Variants in SATB2 observed in about 807,000 individuals in gnomAD.
The protein encoded by SATB2 is DNA-binding protein SATB2.
SATB2 carries 1 observed loss-of-function variant against 73.4 expected under a neutral mutation model. The observed-to-expected ratio is 0.01, with a 90% confidence interval of 0.00 to 0.06. The LOEUF is 0.06. SATB2 is among the 10% of genes least tolerant of loss of function. The probability of loss-of-function intolerance (pLI) is 1.00; values close to 1 mark genes in which losing one functional copy is unlikely to be tolerated. For synonymous variants in SATB2, 397 were observed against 367.0 expected, an observed-to-expected ratio of 1.08 and a Z score of -0.93; for missense variants, 459 against 945.8, an observed-to-expected ratio of 0.49 and a Z score of 6.75.
rs566856687 is a variant in SATB2, at chr2:199,301,840, T to C, written c.1740+6920A>G. ...TGGTAAATCAGATGATGCTTGGAAG[T>C]AAAGCTTGTAGTGGAAAGAAGTTGA... On this transcript the variant is annotated intron_variant, in intron 10 of 10. Transcript: ENST00000417098. Among the ~76,000 whole-genome samples the C allele has an allele frequency of 1.1e-4, 16 of 152,234 alleles. No homozygotes were observed. In the East Asian group the frequency reaches 3.1e-3, roughly 29 times the overall value.
Position 199,433,531 on chromosome 2 carries a change from C to A in SATB2, c.170-17G>T, listed in dbSNP as rs779521396. On this transcript the variant is annotated splice_polypyrimidine_tract_variant and intron_variant, in intron 2 of 10. Coordinates refer to ENST00000417098, the MANE Select transcript of SATB2 (RefSeq NM_001172509.2). ...TCATCAAACCTGAAGGGACAAAATT[C>A]AAGAGCAAAACACAAACATTAAAAA... The A allele has an allele frequency of 8.1e-6, 13 of 1,612,982 alleles. No homozygotes were observed. In the East Asian group the frequency reaches 2.0e-4, roughly 25 times the overall value.
rs756540212 is a variant in SATB2 at position 199,433,342 on chromosome 2, G to T, written c.342C>A (p.Ala114=). The change falls in exon 3 of 11, where the codon GCC becomes GCA. Residue 114 remains alanine, a synonymous_variant. Transcript: ENST00000417098. The part of the protein sequence containing the change: ...LGYSHSSAAQ[A]QGIIKLGRWN... Reference sequence around the variant, plus strand: ...AGAGGGGAGAGGCATTAATACCTTGGGCCTGGGCCGCAGAGCTGTGAGAAT... The same window carrying T: ...AGAGGGGAGAGGCATTAATACCTTGTGCCTGGGCCGCAGAGCTGTGAGAAT... 3.1e-6 allele frequency: 5 copies of T among 1,613,476 alleles called. No individual in the cohort carries two copies. In the Admixed American group the frequency reaches 5.0e-5, roughly 16 times the overall value.
At chr2:199,351,476 CA>C (rs376285769) in intron 6 of SATB2, among the ~76,000 whole-genome samples, 125 of 152,282 alleles carry the variant, frequency 8.2e-4, no homozygotes, top group African/African-American at 3.0e-3. Flanking sequence ...TTTTACGTAT[CA>C]CCTTTCCTTC....
intron 10 of SATB2, among the ~76,000 whole-genome samples, chr2:199,298,306 C>T (rs1430673917): frequency 6.6e-6 from 1 of 152,150 alleles, no homozygotes; most frequent in East Asian, 1.9e-4. Context: ...CAGTGATGGT[C>T]CTAGAATTCA....
chr2:199,439,319 G>A (rs570605122), intron 2 of SATB2, among the ~76,000 whole-genome samples: 10 of 152,164 alleles, frequency 6.6e-5, no homozygotes, highest in Non-Finnish European at 7.3e-5. Flanking sequence ...CCAGGCTTTC[G>A]CCTCCCCTCT....
upstream of SATB2, among the ~76,000 whole-genome samples, chr2:199,467,798 C>T (rs925708310): frequency 3.3e-5 from 5 of 152,182 alleles, no homozygotes; most frequent in Admixed American, 1.3e-4. Context: ...CACAGGACCC[C>T]GGGGCCAGGG....
chr2:199,464,931 C>T lies in SATB2; in HGVS notation c.-236G>A, dbSNP rs1460177832. On this transcript the variant is annotated 5_prime_UTR_variant, in exon 1 of 12. Coordinates refer to the SATB2 transcript ENST00000260926. The surrounding 1 kb of genome is among the most constrained non-coding windows in gnomAD (Gnocchi z 6.6). ...ACGCTGGCTGCTCACCTCCAGGAGC[C>T]GACAGAAGGTGCCTTCGGCGTCACG... 6.6e-6 allele frequency: 1 copy of T among 152,238 alleles called. No homozygotes were observed. The allele number at this position is 152,238 out of a possible 1,614,324, so 9.4% of individuals were successfully genotyped here.
chr2:199,458,586 T>C, upstream of SATB2: 1 of 428,876 alleles, frequency 2.3e-6, no homozygotes. Flanking sequence ...CTAGGCGCAC[T>C]CGTCCCGGCG....
intron 3 of SATB2, among the ~76,000 whole-genome samples, chr2:199,394,706 G>A (rs1451734668): frequency 6.6e-6 from 1 of 152,128 alleles, no homozygotes; most frequent in Non-Finnish European, 1.5e-5. Flanking sequence ...GGGGCTGACA[G>A]AGTGAGACCC....
intron 5 of SATB2, among the ~76,000 whole-genome samples, chr2:199,370,686 C>T (rs931308055): frequency 5.9e-5 from 9 of 152,146 alleles, no homozygotes; most frequent in Non-Finnish European, 1.3e-4. Flanking sequence ...AAATTCCCCT[C>T]ACTCTCTACC....
chr2:199,404,458 AACAAT>A (rs1189964119), intron 3 of SATB2, among the ~76,000 whole-genome samples: 4 of 152,242 alleles, frequency 2.6e-5, no homozygotes, highest in Non-Finnish European at 5.9e-5. Context: ...CACGGGGAAG[AACAAT>A]ACAAGATATA....
intron 1 of SATB2, chr2:199,470,489 G>C (rs527744591): frequency 6.6e-6 from 1 of 152,362 alleles, no homozygotes; most frequent in South Asian, 2.1e-4. Flanking sequence ...ACTCAAAACT[G>C]CCCTCGGCCT....
chr2:199,297,472 G>T (rs549648641), intron 10 of SATB2, among the ~76,000 whole-genome samples: 4 of 152,276 alleles, frequency 2.6e-5, no homozygotes, highest in African/African-American at 4.8e-5. Flanking sequence ...CCACTGAAGG[G>T]AGTCCTGGGA....
chr2:199,374,889 G>A (rs777014558), intron 5 of SATB2, among the ~76,000 whole-genome samples: 15 of 151,712 alleles, frequency 9.9e-5, no homozygotes, highest in East Asian at 5.8e-4. Context: ...GCTTCTGCCC[G>A]GGAGGCAGAG....
At chr2:199,436,881 A>G (rs1335194821) in intron 2 of SATB2, among the ~76,000 whole-genome samples, 1 of 151,678 alleles carries the variant, frequency 6.6e-6, no homozygotes, top group Non-Finnish European at 1.5e-5. Flanking sequence ...CATCTTATTA[A>G]CAACTCGTCC....
rs2105706000 is a variant in SATB2 at position 199,272,069 on chromosome 2, A to C, written c.*142T>G. ...AGAAATGTCCAAAAGGGTAAGAAAA[A>C]CAAAACAGACATAAAAAGACAAAAA... On this transcript the variant is annotated 3_prime_UTR_variant, in exon 11 of 11. Transcript: ENST00000417098. This position sits in a 1 kb window ranked among gnomAD's most constrained non-coding sequence, Gnocchi z 6.7. The C allele has an allele frequency of 1.3e-6, 1 of 787,258 alleles. No individual in the cohort carries two copies. Among genetic ancestry groups the C allele is most frequent in the South Asian group, 1.5e-5 (1 of 68,156 alleles). The allele number at this position is 787,258 out of a possible 1,614,324, so 48.8% of individuals were successfully genotyped here.
rs552046979 is a variant in SATB2, at chr2:199,304,693, C to T, written c.1740+4067G>A. On this transcript the variant is annotated intron_variant, in intron 10 of 10. Coordinates refer to ENST00000417098, the MANE Select transcript of SATB2 (RefSeq NM_001172509.2). Reference sequence around the variant, plus strand: ...TCATGATGTGACAGGATCTAGCTTACGAAGTGTGTTCAGATCCTGAAGAAC... The same window carrying T: ...TCATGATGTGACAGGATCTAGCTTATGAAGTGTGTTCAGATCCTGAAGAAC... 7.2e-5 allele frequency among the ~76,000 whole-genome samples: 11 copies of T among 152,250 alleles called. No homozygotes were observed. The East Asian group carries it at 1.9e-3, about 27-fold the overall frequency.
intron 2 of SATB2, among the ~76,000 whole-genome samples, chr2:199,449,480 G>A (rs1692062033): frequency 6.6e-6 from 1 of 152,114 alleles, no homozygotes; most frequent in South Asian, 2.1e-4. Flanking sequence ...CAAAAACACT[G>A]TAGCATGTTA....
At chr2:199,389,567 A>G (rs1462436791) in intron 3 of SATB2, among the ~76,000 whole-genome samples, 3 of 152,206 alleles carry the variant, frequency 2.0e-5, no homozygotes, top group African/African-American at 7.2e-5. Context: ...ATATACTGTC[A>G]TATGAATTTA....
Sources: allele counts gnomAD v4.1 joint callset (sites outside exome capture counted in the v4.1 genomes callset), GRCh38; gene constraint gnomAD v4.1.1; non-coding constraint Gnocchi (gnomAD v3.1); transcripts MANE v1.5; gene names NCBI Gene and HGNC (gene_info 2026-07-23, HGNC 2026-07-21).